UNC13A: variants seen among roughly 807,000 people sequenced by gnomAD.
UNC13A encodes the protein protein unc-13 homolog A.
UNC13A carries 61 observed loss-of-function variants against 219.7 expected under a neutral mutation model. That is an observed-to-expected ratio of 0.28 (90% CI 0.23 to 0.34). The LOEUF is 0.34. Among genes scored for constraint, UNC13A ranks in the 10% least tolerant of loss-of-function variants. The pLI, the probability that UNC13A is intolerant of heterozygous loss-of-function variation, is 1.00. For missense variants in UNC13A, 1,476 were observed against 2,270.3 expected, an observed-to-expected ratio of 0.65 and a Z score of 7.11; for synonymous variants, 920 against 884.6, an observed-to-expected ratio of 1.04 and a Z score of -0.71.
chr19:17,634,996 G>T (rs2076898376), intron 26 of UNC13A, among the ~76,000 whole-genome samples: 1 of 151,768 alleles, frequency 6.6e-6, no homozygotes, highest in Non-Finnish European at 1.5e-5. Flanking sequence ...TCAGCCTCCC[G>T]AGTAGCTGGG....
At chr19:17,619,736 T>C (rs559705460) in intron 38 of UNC13A, among the ~76,000 whole-genome samples, 2 of 152,292 alleles carry the variant, frequency 1.3e-5, no homozygotes, top group East Asian at 3.9e-4. Flanking sequence ...CCAGCCAGTC[T>C]GACCTTTTAA....
In UNC13A at chr19:17,649,610, G is replaced by A; in HGVS notation, c.1440-23C>T. ...GGGCTGAAAGACACAGAGGGACACT[G>A]AGGGCCCAGATGTCCCTATTCCTCA... is the stretch of plus-strand genomic sequence containing the variant. On this transcript the variant is annotated intron_variant, in intron 12 of 43. Transcript: ENST00000519716. This position sits in a 1 kb window ranked among gnomAD's most constrained non-coding sequence, Gnocchi z 4.4. 6.2e-7 allele frequency: 1 copy of A among 1,613,038 alleles called. No homozygotes were observed. Among genetic ancestry groups the A allele is most frequent in the South Asian group, 1.1e-5 (1 of 91,052 alleles).
rs576701403 is a variant in UNC13A, at chr19:17,604,764, G to A, written c.*1290C>T. On this transcript the variant is annotated 3_prime_UTR_variant, in exon 44 of 44. Transcript: ENST00000519716. ...CTCATTGGAGAAAGAGCTTCCAGCT[G>A]GCAAGAGGGCCATCTGAGGTATCCT... 3 of 152,416 alleles carry A rather than the reference G, an allele frequency of 2.0e-5. No homozygotes were observed. Among genetic ancestry groups the A allele is most frequent in the Non-Finnish European group, 4.4e-5 (3 of 68,080 alleles). The allele number at this position is 152,416 out of a possible 1,614,324, so 9.4% of individuals were successfully genotyped here.
Position 17,649,115 on chromosome 19 carries a change from G to A in UNC13A, c.1525-132C>T, listed in dbSNP as rs990122411. Reference sequence around the variant, plus strand: ...AACCGCAAGTTGGAAACAGGTCACCGACAGCATCCGGGCCAGACCCAACAA... The same window carrying A: ...AACCGCAAGTTGGAAACAGGTCACCAACAGCATCCGGGCCAGACCCAACAA... On this transcript the variant is annotated intron_variant, in intron 14 of 43. Coordinates refer to ENST00000519716, the MANE Select transcript of UNC13A (RefSeq NM_001080421.3). This position sits in a 1 kb window ranked among gnomAD's most constrained non-coding sequence, Gnocchi z 4.4. 6.7e-6 allele frequency: 8 copies of A among 1,192,812 alleles called. No homozygotes were observed. The highest frequency in any genetic ancestry group is 2.4e-5 in the Admixed American group (1 of 42,334). 73.9% of individuals were successfully genotyped at this position (1,192,812 alleles called of 1,614,324 possible).
At chr19:17,626,585 C>G (rs2076785927) in intron 34 of UNC13A, 48 bp downstream of exon 34, 3 of 1,493,774 alleles carry the variant, frequency 2.0e-6, no homozygotes, top group Admixed American at 2.1e-5. Context: ...CTCTATGGCC[C>G]TGCCCCAGCC....
At chr19:17,633,632 T>C (rs112532669) in intron 26 of UNC13A, among the ~76,000 whole-genome samples, 124 of 152,054 alleles carry the variant, frequency 8.2e-4, no homozygotes, top group African/African-American at 2.8e-3. Context: ...CACCTACCCA[T>C]CTATCTATTC....
intron 10 of UNC13A, 40 bp from the exon 11 acceptor site, chr19:17,655,422 C>T (rs768419398): frequency 1.5e-5 from 22 of 1,482,746 alleles, no homozygotes; most frequent in Admixed American, 2.0e-5. Flanking sequence ...GCTGGCTCTC[C>T]GTGACCCCTG....
intron 9 of UNC13A, 87 bp downstream of exon 9, chr19:17,657,975 C>T: frequency 1.4e-6 from 2 of 1,409,210 alleles, no homozygotes; most frequent in Non-Finnish European, 2.0e-6. Context: ...GGAACTCCAC[C>T]TCCAGCTCTG....
At chr19:17,631,293 T>G (rs1420171631) in intron 28 of UNC13A, among the ~76,000 whole-genome samples, 1 of 147,030 alleles carries the variant, frequency 6.8e-6, no homozygotes, top group African/African-American at 2.5e-5. Flanking sequence ...CGATCACAGC[T>G]CACTGCAGCC....
At chr19:17,639,566 C>A in intron 23 of UNC13A, 41 bp from the exon 24 acceptor site, 1 of 1,593,040 alleles carries the variant, frequency 6.3e-7, no homozygotes, top group Non-Finnish European at 8.6e-7. Flanking sequence ...TGGAAGAAGG[C>A]GTGGGGAGGA....
Position 17,672,693 on chromosome 19 carries a change from C to T in UNC13A, c.153-198G>A, listed in dbSNP as rs183180416. Among the ~76,000 whole-genome samples, 7 of 152,116 alleles carry T rather than the reference C, an allele frequency of 4.6e-5. No individual in the cohort carries two copies. The East Asian group carries it at 5.8e-4, about 13-fold the overall frequency. On this transcript the variant is annotated intron_variant, in intron 3 of 43. Transcript: ENST00000519716. The stretch of plus-strand genomic sequence containing the variant: ...AGGCCAGTGGGGGAAGTTAAGAGCT[C>T]GGGGTATCACAAAAGAACCAGGATT...
chr19:17,646,210 T>A (rs1024573662), intron 17 of UNC13A, 99 bp from the exon 18 acceptor site: 21 of 1,523,258 alleles, frequency 1.4e-5, no homozygotes, highest in Non-Finnish European at 1.9e-5. Context: ...TTGGGACACC[T>A]GCAGCATGGC....
Position 17,640,964 on chromosome 19 carries a change from T to C in UNC13A, c.2637-303A>G, listed in dbSNP as rs190904975. 2.5e-3 allele frequency among the ~76,000 whole-genome samples: 379 copies of C among 149,102 alleles called. 5 individuals are homozygous for C. The highest frequency in any genetic ancestry group is 8.7e-3 in the African/African-American group (350 of 40,268). On this transcript the variant is annotated intron_variant, in intron 21 of 43. Transcript: ENST00000519716. Reference sequence around the variant, plus strand: ...CGCAATCTCGGCTCACTGCAACCCCTGCCCCCCAGGTTCAAGCAATTCTCC... The same window carrying C: ...CGCAATCTCGGCTCACTGCAACCCCCGCCCCCCAGGTTCAAGCAATTCTCC...
chr19:17,615,901 G>A (rs1446577848), intron 41 of UNC13A, among the ~76,000 whole-genome samples: 1 of 152,212 alleles, frequency 6.6e-6, no homozygotes, highest in East Asian at 1.9e-4. Context: ...TTGAGCACAG[G>A]AGGGAGGCTG....
chr19:17,626,106 C>T (rs2076780694), intron 34 of UNC13A, among the ~76,000 whole-genome samples: 3 of 151,776 alleles, frequency 2.0e-5, no homozygotes, highest in South Asian at 4.2e-4. Context: ...TGCATCAAAA[C>T]ATTTATTCAT....
intron 37 of UNC13A, among the ~76,000 whole-genome samples, chr19:17,621,179 G>C (rs986785230): frequency 6.6e-6 from 1 of 152,120 alleles, no homozygotes; most frequent in African/African-American, 2.4e-5. Context: ...CTAAACACTT[G>C]CAGGCACGTA....
Position 17,611,781 on chromosome 19 carries a change from G to A in UNC13A, c.4633C>T (p.His1545Tyr). ...ELFTHPGTGE[H>Y]KVTVKVVAAN... ...CACTCACCTTTCACTGTGACCTTGTGTTCCCCAGTTCCTGGATGAGTGAAC... is the reference window on the plus strand; with the variant it reads ...CACTCACCTTTCACTGTGACCTTGTATTCCCCAGTTCCTGGATGAGTGAAC... The change falls in exon 42 of 44, where the codon CAC becomes TAC. Residue 1545 changes from histidine to tyrosine, a missense_variant. By Grantham distance (83) the His-to-Tyr change is moderately conservative (BLOSUM62 2). Around this residue, in one of 14 missense-constraint regions of UNC13A, gnomAD observed 77 missense variants for 94.8 expected, o/e 0.81. Coordinates refer to ENST00000519716, the MANE Select transcript of UNC13A (RefSeq NM_001080421.3). 6.2e-7 allele frequency: 1 copy of A among 1,614,164 alleles called. No individual in the cohort carries two copies. The highest frequency in any genetic ancestry group is 1.1e-5 in the South Asian group (1 of 91,066).
chr19:17,649,058 G>A lies in UNC13A; in HGVS notation c.1525-75C>T, dbSNP rs964750360. 68 of 1,455,018 alleles carry A rather than the reference G, an allele frequency of 4.7e-5. No individual in the cohort carries two copies. Among genetic ancestry groups the A allele is most frequent in the Admixed American group, 1.2e-4 (5 of 42,994 alleles). 90.1% of individuals were successfully genotyped at this position (1,455,018 alleles called of 1,614,324 possible). On this transcript the variant is annotated intron_variant, in intron 14 of 43. Transcript: ENST00000519716. The surrounding 1 kb of genome is among the most constrained non-coding windows in gnomAD (Gnocchi z 4.4). Reference sequence around the variant, plus strand: ...CACCACCAGGAGAGTTCACAGCCACGGATGGGGCCAGCAGCCACATTTTGG... The same window carrying A: ...CACCACCAGGAGAGTTCACAGCCACAGATGGGGCCAGCAGCCACATTTTGG...
At chr19:17,687,687 C>A (rs1471141951) in intron 1 of UNC13A, among the ~76,000 whole-genome samples, 1 of 152,086 alleles carries the variant, frequency 6.6e-6, no homozygotes, top group Non-Finnish European at 1.5e-5. Context: ...TATCTTACAT[C>A]CCCACGGCTT....
Sources: allele counts gnomAD v4.1 joint callset (sites outside exome capture counted in the v4.1 genomes callset), GRCh38; gene constraint gnomAD v4.1.1; regional missense constraint gnomAD v4.1.1; non-coding constraint Gnocchi (gnomAD v3.1); transcripts MANE v1.5; gene names NCBI Gene and HGNC (gene_info 2026-07-23, HGNC 2026-07-21).